Variants in CTNNA3 observed in about 807,000 individuals in gnomAD.
CTNNA3 encodes catenin alpha 3, also known as catenin alpha-3.
Under a neutral mutation model 95.7 loss-of-function variants are expected in CTNNA3, and 76 were observed. That is an observed-to-expected ratio of 0.79 (90% CI 0.66 to 0.96). The LOEUF (loss-of-function observed/expected upper bound fraction) is 0.96, where lower values mean the gene tolerates loss of function less well. Among genes scored for constraint, CTNNA3 ranks in the 40% least tolerant of loss-of-function variants. CTNNA3 has a pLI of 0.00. For missense variants in CTNNA3, 1,191 were observed against 1,089.8 expected, an observed-to-expected ratio of 1.09 and a Z score of -1.31; for synonymous variants, 431 against 374.4, an observed-to-expected ratio of 1.15 and a Z score of -1.74.
At chr10:66,772,718 C>A (rs1338977400) in intron 8 of CTNNA3, among the ~76,000 whole-genome samples, 1 of 152,112 alleles carries the variant, frequency 6.6e-6, no homozygotes, top group Non-Finnish European at 1.5e-5. Flanking sequence ...TTTGCTTCTC[C>A]TTAGATATTT....
intron 5 of CTNNA3, among the ~76,000 whole-genome samples, chr10:67,458,308 A>G (rs1847246876): frequency 6.6e-6 from 1 of 152,092 alleles, no homozygotes; most frequent in African/African-American, 2.4e-5. Flanking sequence ...ACACATAATA[A>G]ATGCTCTATT....
intron 13 of CTNNA3, among the ~76,000 whole-genome samples, chr10:66,122,941 TGAG>T (rs1439403232): frequency 6.6e-6 from 1 of 152,148 alleles, no homozygotes; most frequent in Non-Finnish European, 1.5e-5. Flanking sequence ...ATGTGGGAAT[TGAG>T]GAGTTAAAAT....
intron 9 of CTNNA3, among the ~76,000 whole-genome samples, chr10:66,653,362 T>C (rs1033616504): frequency 1.3e-5 from 2 of 149,732 alleles, no homozygotes; most frequent in South Asian, 2.1e-4. Flanking sequence ...CCATTTATAA[T>C]AGCTACAAAA....
chr10:67,606,677 G>A (rs1843282749), intron 3 of CTNNA3, among the ~76,000 whole-genome samples, 180 bp downstream of exon 3: 1 of 152,172 alleles, frequency 6.6e-6, no homozygotes, highest in African/African-American at 2.4e-5. Context: ...AGAGCCTGGA[G>A]TGGGACTGAG....
chr10:67,017,833 A>C (rs1852754410), intron 7 of CTNNA3, among the ~76,000 whole-genome samples: 1 of 151,952 alleles, frequency 6.6e-6, no homozygotes, highest in Non-Finnish European at 1.5e-5. Context: ...ATAGTGGCCC[A>C]ATCTCGGCTC....
intron 5 of CTNNA3, among the ~76,000 whole-genome samples, chr10:67,316,821 T>G (rs1564561237): frequency 6.6e-6 from 1 of 152,200 alleles, no homozygotes; most frequent in Non-Finnish European, 1.5e-5. Context: ...ATATAAAGTA[T>G]TTTTTAAATG....
At chr10:66,642,550 C>A (rs1197901802) in intron 9 of CTNNA3, among the ~76,000 whole-genome samples, 1 of 152,080 alleles carries the variant, frequency 6.6e-6, no homozygotes, top group Non-Finnish European at 1.5e-5. Context: ...ACTATAACTG[C>A]TATACAAGCA....
intron 5 of CTNNA3, among the ~76,000 whole-genome samples, chr10:67,498,008 C>CCATG (rs1379697182): frequency 3.3e-5 from 5 of 152,148 alleles, no homozygotes; most frequent in African/African-American, 4.8e-5. Flanking sequence ...AAGTCCTTGC[C>CCATG]CATGCCTATG....
chr10:67,475,373 T>C (rs1847970716), intron 5 of CTNNA3, among the ~76,000 whole-genome samples: 1 of 152,172 alleles, frequency 6.6e-6, no homozygotes, highest in Admixed American at 6.5e-5. Context: ...TCAAAACTCA[T>C]AGACCTGTAT....
chr10:65,928,752 C>T (rs1271800375), intron 17 of CTNNA3, among the ~76,000 whole-genome samples: 2 of 152,134 alleles, frequency 1.3e-5, no homozygotes, highest in African/African-American at 4.8e-5. Context: ...AAACATGGCA[C>T]AAAAACCCTT....
intron 10 of CTNNA3, among the ~76,000 whole-genome samples, chr10:66,584,030 G>A (rs550941817): frequency 1.5e-4 from 22 of 151,674 alleles, no homozygotes; most frequent in Admixed American, 1.2e-3. Context: ...TTATTTTACC[G>A]TGGTCTGACA....
intron 11 of CTNNA3, among the ~76,000 whole-genome samples, chr10:66,416,688 C>T (rs2093149050): frequency 6.6e-6 from 1 of 151,744 alleles, no homozygotes; most frequent in Non-Finnish European, 1.5e-5. Context: ...AAACTGCAAG[C>T]TAAGATACTA....
intron 13 of CTNNA3, among the ~76,000 whole-genome samples, chr10:66,161,715 T>C (rs1443302655): frequency 6.6e-6 from 1 of 152,196 alleles, no homozygotes; most frequent in Non-Finnish European, 1.5e-5. Context: ...TCAGGTGTTC[T>C]TTGTGCTTCT....
intron 7 of CTNNA3, among the ~76,000 whole-genome samples, chr10:66,844,566 T>C (rs1403831371): frequency 3.9e-5 from 6 of 152,344 alleles, no homozygotes; most frequent in African/African-American, 1.4e-4. Context: ...ATGTAAAGGC[T>C]CTTCTTCACT....
rs528629069 is a variant in CTNNA3, at chr10:67,471,846, A to C, written c.579+49996T>G. Among the ~76,000 whole-genome samples, 123 of 152,292 alleles carry C rather than the reference A, an allele frequency of 8.1e-4. 1 individual carries two copies. Among genetic ancestry groups the C allele is most frequent in the African/African-American group, 2.8e-3 (117 of 41,582 alleles). ...ACTATTAAGGGCCAGAAACTGTTCTAGGGTCTTTCTGCAAAAAGAATGAGA... is the reference window on the plus strand; with the variant it reads ...ACTATTAAGGGCCAGAAACTGTTCTCGGGTCTTTCTGCAAAAAGAATGAGA... On this transcript the variant is annotated intron_variant, in intron 5 of 17. Coordinates refer to ENST00000433211, the MANE Select transcript of CTNNA3 (RefSeq NM_013266.4).
chr10:65,980,730 T>A (rs2078303495), intron 16 of CTNNA3, among the ~76,000 whole-genome samples: 1 of 151,652 alleles, frequency 6.6e-6, no homozygotes, highest in Admixed American at 6.6e-5. Context: ...CATAAAAAAA[T>A]TTTAAAAATA....
intron 3 of CTNNA3, among the ~76,000 whole-genome samples, chr10:67,561,692 A>G (rs1841514146): frequency 6.6e-6 from 1 of 151,862 alleles, no homozygotes; most frequent in Non-Finnish European, 1.5e-5. Flanking sequence ...CAATCAATGA[A>G]TCCAGGAGCT....
chr10:66,813,547 T>C (rs140931188), intron 7 of CTNNA3, among the ~76,000 whole-genome samples: 1 of 152,266 alleles, frequency 6.6e-6, no homozygotes, highest in African/African-American at 2.4e-5. Flanking sequence ...AAGAAGAAAT[T>C]CATATGTAAT....
chr10:66,760,781 C>T (rs1839569964), intron 9 of CTNNA3, among the ~76,000 whole-genome samples: 1 of 152,040 alleles, frequency 6.6e-6, no homozygotes, highest in Non-Finnish European at 1.5e-5. Context: ...ATCTTTTTAA[C>T]AGTAAAAGGA....
Sources: gnomAD v4.1 joint callset for allele counts (sites outside exome capture counted in the v4.1 genomes callset) on GRCh38, gnomAD v4.1.1 for gene constraint, MANE v1.5 for transcripts, NCBI Gene and HGNC (gene_info 2026-07-23, HGNC 2026-07-21) for gene names.